The following DOK6 variants were observed in gnomAD, a reference collection of about 807,000 sequenced individuals.
DOK6 encodes the protein docking protein 6.
DOK6 carries 22 observed loss-of-function variants against 44.0 expected under a neutral mutation model. That is an observed-to-expected ratio of 0.50 (90% CI 0.36 to 0.71). The LOEUF is 0.71. Ranked by LOEUF, DOK6 falls within the 30% of genes least tolerant of loss-of-function variation. DOK6 has a pLI of 0.00. For synonymous variants in DOK6, 166 were observed against 145.5 expected (o/e 1.14, Z -1.01); for missense variants, 340 against 416.4 (o/e 0.82, Z 1.60).
intron 1 of DOK6, among the ~76,000 whole-genome samples, chr18:69,559,278 A>C (rs141273134): frequency 6.6e-6 from 1 of 151,912 alleles, no homozygotes; most frequent in Non-Finnish European, 1.5e-5. Context: ...AAGTATGTGT[A>C]TTTACATATT....
At chr18:69,401,546 C>G (rs1916100287) in intron 1 of DOK6, among the ~76,000 whole-genome samples, 1 of 152,116 alleles carries the variant, frequency 6.6e-6, no homozygotes, top group Admixed American at 6.5e-5. Context: ...GTGCACCGGG[C>G]TGTCTTCGAC....
intron 1 of DOK6, among the ~76,000 whole-genome samples, chr18:69,538,816 C>T (rs572523589): frequency 6.6e-6 from 1 of 152,146 alleles, no homozygotes; most frequent in African/African-American, 2.4e-5. Flanking sequence ...TGTCAACCTT[C>T]CTCCTCCTCC....
chr18:69,763,205 A>T (rs1979618242), intron 7 of DOK6, among the ~76,000 whole-genome samples: 1 of 152,348 alleles, frequency 6.6e-6, no homozygotes, highest in Admixed American at 6.5e-5. Flanking sequence ...GCCACTGTTT[A>T]AAAATCTCTG....
At chr18:69,482,603 A>G (rs1282603419) in intron 1 of DOK6, among the ~76,000 whole-genome samples, 21 of 152,064 alleles carry the variant, frequency 1.4e-4, no homozygotes, top group Admixed American at 1.4e-3. Flanking sequence ...ATTATATAGT[A>G]AAATTGGAAA....
chr18:69,800,203 A>G (rs1381083783), intron 7 of DOK6, among the ~76,000 whole-genome samples: 2 of 152,106 alleles, frequency 1.3e-5, no homozygotes, highest in South Asian at 2.1e-4. Context: ...CTAATTTCAG[A>G]GTATTTTAAT....
chr18:69,403,204 A>G (rs1001076896), intron 1 of DOK6, among the ~76,000 whole-genome samples: 1 of 152,190 alleles, frequency 6.6e-6, no homozygotes, highest in African/African-American at 2.4e-5. Flanking sequence ...TGAAGAATGT[A>G]GCCTGAGCAT....
At chr18:69,478,466 A>G (rs1260260328) in intron 1 of DOK6, among the ~76,000 whole-genome samples, 1 of 152,092 alleles carries the variant, frequency 6.6e-6, no homozygotes, top group Non-Finnish European at 1.5e-5. Context: ...GTCACTTTAA[A>G]CTTACTGTTT....
chr18:69,757,961 C>T (rs1599309107), intron 7 of DOK6, 88 bp downstream of exon 7: 4 of 1,108,856 alleles, frequency 3.6e-6, no homozygotes, highest in Non-Finnish European at 5.5e-6. Flanking sequence ...ATTTGCATTG[C>T]TTGCTTTTCC....
intron 1 of DOK6, among the ~76,000 whole-genome samples, chr18:69,460,361 T>C (rs980196912): frequency 6.6e-6 from 1 of 152,186 alleles, no homozygotes; most frequent in African/African-American, 2.4e-5. Context: ...TACATTGACA[T>C]GATGCAATAA....
intron 1 of DOK6, among the ~76,000 whole-genome samples, chr18:69,520,669 T>G (rs1568283990): frequency 6.6e-6 from 1 of 151,938 alleles, no homozygotes; most frequent in Non-Finnish European, 1.5e-5. Flanking sequence ...AAAACATAAA[T>G]AAAAGTTTGT....
chr18:69,476,341 T>C (rs775535912), intron 1 of DOK6, among the ~76,000 whole-genome samples: 14 of 152,226 alleles, frequency 9.2e-5, no homozygotes, highest in Non-Finnish European at 1.5e-4. Context: ...TAAAACATTT[T>C]CTAGGTATTC....
intron 1 of DOK6, among the ~76,000 whole-genome samples, chr18:69,458,908 A>G (rs1282799431): frequency 6.7e-6 from 1 of 149,802 alleles, no homozygotes; most frequent in East Asian, 2.0e-4. Context: ...CTTGTCCAAC[A>G]TGGTGAAACC....
At chr18:69,705,783 C>G (rs1986619106) in intron 5 of DOK6, among the ~76,000 whole-genome samples, 1 of 152,092 alleles carries the variant, frequency 6.6e-6, no homozygotes, top group African/African-American at 2.4e-5. Context: ...CTAAGAGCCT[C>G]TTTCTTTTTA....
intron 1 of DOK6, among the ~76,000 whole-genome samples, chr18:69,503,178 T>A (rs2144549934): frequency 6.6e-6 from 1 of 152,252 alleles, no homozygotes; most frequent in South Asian, 2.1e-4. Flanking sequence ...CAGATTTCAA[T>A]CTGAGACATT....
At chr18:69,671,909 A>G (rs146514060) in intron 3 of DOK6, among the ~76,000 whole-genome samples, 165 of 152,314 alleles carry the variant, frequency 1.1e-3, no homozygotes, top group African/African-American at 3.6e-3. Flanking sequence ...CTGCACTCCA[A>G]TTTCTTAAAG....
At chr18:69,822,438 C>G (rs992137079) in intron 7 of DOK6, among the ~76,000 whole-genome samples, 1 of 147,840 alleles carries the variant, frequency 6.8e-6, no homozygotes, top group African/African-American at 2.5e-5. Context: ...TAATTGAATC[C>G]CAATTCCCAA....
intron 7 of DOK6, among the ~76,000 whole-genome samples, chr18:69,774,145 T>TATATGAG (rs1555670154): frequency 7.8e-6 from 1 of 128,482 alleles, no homozygotes; most frequent in Non-Finnish European, 1.6e-5. Flanking sequence ...TATATATATA[T>TATATGAG]ATATATATAT....
At chr18:69,565,973 G>A (rs1982967143) in intron 2 of DOK6, among the ~76,000 whole-genome samples, 1 of 152,138 alleles carries the variant, frequency 6.6e-6, no homozygotes, top group South Asian at 2.1e-4. Context: ...TTGTAAAAAT[G>A]TGAGTCCATG....
chr18:69,488,040 T>C (rs956172924), intron 1 of DOK6, among the ~76,000 whole-genome samples: 20 of 151,964 alleles, frequency 1.3e-4, no homozygotes, highest in Admixed American at 3.9e-4. Flanking sequence ...TAATGGGAGG[T>C]AGACTGTCCA....
Sources: allele counts gnomAD v4.1 joint callset (sites outside exome capture counted in the v4.1 genomes callset), GRCh38; gene constraint gnomAD v4.1.1; transcripts MANE v1.5; gene names NCBI Gene and HGNC (gene_info 2026-07-23, HGNC 2026-07-21).